CPVL: variants seen among roughly 807,000 people sequenced by gnomAD.
The protein encoded by CPVL is probable serine carboxypeptidase CPVL.
CPVL carries 51 observed loss-of-function variants against 63.7 expected under a neutral mutation model. The ratio of observed to expected loss-of-function variants is 0.80; its 90% confidence interval spans 0.64 to 1.01. CPVL has a LOEUF of 1.01. CPVL is among the 50% of genes least tolerant of loss of function. CPVL has a pLI of 0.00. For missense variants in CPVL, 530 were observed against 573.1 expected, an observed-to-expected ratio of 0.92 and a Z score of 0.77; for synonymous variants, 195 against 206.0, an observed-to-expected ratio of 0.95 and a Z score of 0.46.
chr7:29,117,350 C>G (rs1412492101), intron 2 of CPVL, among the ~76,000 whole-genome samples: 2 of 152,194 alleles, frequency 1.3e-5, no homozygotes, highest in Non-Finnish European at 2.9e-5. Context: ...AGATGGATTT[C>G]TCTGTATTCT....
chr7:29,184,279 G>A (rs1562814194), intron 4 of CPVL: 1 of 150,252 alleles, frequency 6.7e-6, no homozygotes, highest in African/African-American at 2.4e-5. Context: ...GGATATATAT[G>A]ATATATATAT....
chr7:29,172,217 CA>C (rs1285413006), intron 5 of CPVL, among the ~76,000 whole-genome samples: 1 of 152,160 alleles, frequency 6.6e-6, no homozygotes, highest in African/African-American at 2.4e-5. Flanking sequence ...ATCATTAAAA[CA>C]GCACCACCTA....
At chr7:29,099,519 C>G (rs1432416863) in intron 3 of CPVL, among the ~76,000 whole-genome samples, 1 of 152,132 alleles carries the variant, frequency 6.6e-6, no homozygotes, top group African/African-American at 2.4e-5. Context: ...CGAGACCAGC[C>G]TGGCCAATAT....
At chr7:29,023,910 A>G (rs1787247338) in intron 12 of CPVL, among the ~76,000 whole-genome samples, 1 of 152,256 alleles carries the variant, frequency 6.6e-6, no homozygotes, top group Admixed American at 6.5e-5. Flanking sequence ...CACAGATATC[A>G]ATGTAAAAAC....
intron 1 of CPVL, among the ~76,000 whole-genome samples, chr7:29,124,822 T>C (rs1168319424): frequency 6.6e-6 from 1 of 152,104 alleles, no homozygotes; most frequent in Non-Finnish European, 1.5e-5. Context: ...AAAAATTTTA[T>C]ACTCAGAAAA....
At chr7:29,119,485 CAAA>C (rs372819031) in intron 2 of CPVL, among the ~76,000 whole-genome samples, 1,743 of 101,198 alleles carry the variant, frequency 0.017, 22 homozygotes, top group African/African-American at 0.065. Flanking sequence ...GATTCTGTCT[CAAA>C]AAAAAAAAAA....
chr7:29,020,968 G>C (rs938367755), intron 12 of CPVL, among the ~76,000 whole-genome samples: 2 of 152,112 alleles, frequency 1.3e-5, no homozygotes, highest in African/African-American at 4.8e-5. Context: ...TTGAGGTCAG[G>C]AGTTCGAGAA....
chr7:29,135,623 C>T (rs1020689138), intron 1 of CPVL, among the ~76,000 whole-genome samples: 2 of 152,044 alleles, frequency 1.3e-5, no homozygotes, highest in Non-Finnish European at 2.9e-5. Flanking sequence ...TAAGCCACCA[C>T]GCCCAGCCTA....
intron 3 of CPVL, among the ~76,000 whole-genome samples, chr7:29,108,656 T>A (rs1787958185): frequency 6.6e-6 from 1 of 152,338 alleles, no homozygotes; most frequent in Admixed American, 6.5e-5. Context: ...ATAGCAACTA[T>A]AGTTACTATG....
At chr7:29,071,927 T>C (rs779903610) in intron 8 of CPVL, 23 bp from the exon 9 acceptor site, 2 of 1,613,442 alleles carry the variant, frequency 1.2e-6, no homozygotes, top group African/African-American at 2.7e-5. Context: ...AAGACACACA[T>C]CAATGTGACA....
At chr7:29,162,585 C>T (rs567547323) in intron 5 of CPVL, among the ~76,000 whole-genome samples, 5 of 150,048 alleles carry the variant, frequency 3.3e-5, no homozygotes, top group East Asian at 2.0e-4. Context: ...CACTTGAACC[C>T]GGAAGGCGGA....
At position 29,183,856 on chromosome 7, in the gene CPVL, AC is replaced by A. The variant is rs1453348099; in HGVS notation, c.-134+564del. 1.1e-4 allele frequency among the ~76,000 whole-genome samples: 16 copies of A among 152,282 alleles called. No individual in the cohort carries two copies. In the South Asian group the frequency reaches 1.9e-3, roughly 18 times the overall value. On this transcript the variant is annotated intron_variant, in intron 4 of 16. Transcript: ENST00000409850. ...GATTCCACACCCATGCATTCAACCA[AC>A]CAAAAATGTTAGAAAAAACAATAAA...
At chr7:29,021,443 T>G (rs923854945) in intron 12 of CPVL, among the ~76,000 whole-genome samples, 3 of 151,828 alleles carry the variant, frequency 2.0e-5, no homozygotes, top group Middle Eastern at 3.4e-3. Flanking sequence ...AAATAGAACA[T>G]CTAAAGAAAA....
intron 12 of CPVL, among the ~76,000 whole-genome samples, chr7:29,021,918 G>A (rs1006986047): frequency 6.6e-6 from 1 of 152,126 alleles, no homozygotes; most frequent in African/African-American, 2.4e-5. Context: ...ATACTGGCTG[G>A]AGCCAGCAGT....
intron 10 of CPVL, among the ~76,000 whole-genome samples, chr7:29,065,159 T>TA (rs749998359): frequency 6.6e-6 from 1 of 152,150 alleles, no homozygotes; most frequent in Non-Finnish European, 1.5e-5. Context: ...AAAAAACTGT[T>TA]AAAGTTTGAG....
In CPVL at chr7:29,025,262, A is replaced by G. The variant is rs145572999; in HGVS notation, c.1320+5315T>C. Among the ~76,000 whole-genome samples the G allele has an allele frequency of 8.7e-4, 133 of 152,358 alleles. 1 individual carries two copies. The highest frequency in any genetic ancestry group is 3.1e-3 in the African/African-American group (127 of 41,590). ...TAATTGGCTTACAATTCTGTAGGCT[A>G]TACAAGTATGGCACCAACATTTGCT... On this transcript the variant is annotated intron_variant, in intron 12 of 12. Coordinates refer to ENST00000265394, the MANE Select transcript of CPVL (RefSeq NM_031311.5).
At chr7:29,038,423 C>A (rs1788754408) in intron 11 of CPVL, among the ~76,000 whole-genome samples, 1 of 152,226 alleles carries the variant, frequency 6.6e-6, no homozygotes, top group Non-Finnish European at 1.5e-5. Context: ...GTAATCTCAT[C>A]TCAGATTTCC....
chr7:29,075,519 T>TAAAAAAAAAAAAA lies in CPVL; in HGVS notation c.610-3109_610-3097dup, dbSNP rs10658501. Among the ~76,000 whole-genome samples the TAAAAAAAAAAAAA allele has an allele frequency of 3.1e-5, 4 of 128,978 alleles. 2 individuals carry two copies. The highest frequency in any genetic ancestry group is 5.7e-5 in the African/African-American group (2 of 35,138). The allele number at this position is 128,978 out of a possible 152,430, so 84.6% of individuals were successfully genotyped here. ...TCTTTTCTATTGAGAAGATACTTCTTAAAAAAAAAAAAAAAAAAGCCATCA... is the reference window on the plus strand; with the variant it reads ...TCTTTTCTATTGAGAAGATACTTCTTAAAAAAAAAAAAAAAAAAAAAAAAAAAAAAAGCCATCA... On this transcript the variant is annotated intron_variant, in intron 7 of 12. Coordinates refer to ENST00000265394, the MANE Select transcript of CPVL (RefSeq NM_031311.5).
At chr7:29,126,250 A>G (rs1790010922) in intron 1 of CPVL, 1 of 152,186 alleles carries the variant, frequency 6.6e-6, no homozygotes, top group African/African-American at 2.4e-5. Context: ...TCTTGTTGGT[A>G]GCTTGAAATC....
Sources: allele counts gnomAD v4.1 joint callset (sites outside exome capture counted in the v4.1 genomes callset), GRCh38; gene constraint gnomAD v4.1.1; transcripts MANE v1.5; gene names NCBI Gene and HGNC (gene_info 2026-07-23, HGNC 2026-07-21).